OR51B5: variants seen among roughly 807,000 people sequenced by gnomAD.
The protein encoded by OR51B5 is olfactory receptor family 51 subfamily B member 5.
For synonymous variants in OR51B5, 186 were observed against 144.8 expected (o/e 1.28, Z -2.04); for missense variants, 456 against 374.6 (o/e 1.22, Z -1.79).
At chr11:5,390,356 G>C in intron 1 of OR51B5, 4 of 1,603,784 alleles carry the variant, frequency 2.5e-6, no homozygotes, top group Non-Finnish European at 3.4e-6. Context: ...CAAGTTCCTA[G>C]GTCTTAAAAA....
intron 1 of OR51B5, among the ~76,000 whole-genome samples, chr11:5,487,938 G>C (rs1447918509): frequency 6.6e-6 from 1 of 152,182 alleles, no homozygotes; most frequent in Non-Finnish European, 1.5e-5. Flanking sequence ...AGGTTGCCTA[G>C]CCTCTTCATA....
chr11:5,462,705 T>C (rs1272287680), intron 1 of OR51B5, among the ~76,000 whole-genome samples: 1 of 152,240 alleles, frequency 6.6e-6, no homozygotes, highest in African/African-American at 2.4e-5. Flanking sequence ...GACACTTTTC[T>C]ACCTGGGCTG....
At position 5,422,217 on chromosome 11, in the gene OR51B5, A is replaced by C. The variant is rs774832644; in HGVS notation, n.85-75307T>G. 80 of 1,611,104 alleles carry C rather than the reference A, an allele frequency of 5.0e-5. No individual in the cohort carries two copies. The highest frequency in any genetic ancestry group is 5.4e-5 in the Non-Finnish European group (64 of 1,178,474). On this transcript the variant is annotated intron_variant and non_coding_transcript_variant, in intron 1 of 4. Coordinates refer to the OR51B5 transcript ENST00000415970. Reference sequence around the variant, plus strand: ...TCATCAGTCATGTCCCAGGTGACTAACACCACACAAGAAGGCATCTACTTC... The same window carrying C: ...TCATCAGTCATGTCCCAGGTGACTACCACCACACAAGAAGGCATCTACTTC...
chr11:5,346,596 G>T (rs1237361556), upstream of OR51B5, among the ~76,000 whole-genome samples: 1 of 151,428 alleles, frequency 6.6e-6, no homozygotes, highest in African/African-American at 2.5e-5. Context: ...CATATGAGAG[G>T]GTCAATCATA....
At chr11:5,482,696 G>A (rs1359925213) in intron 1 of OR51B5, among the ~76,000 whole-genome samples, 2 of 94,610 alleles carry the variant, frequency 2.1e-5, no homozygotes, top group Admixed American at 1.2e-4. Context: ...AGTGGGCGAA[G>A]GACATGAACA....
chr11:5,441,550 G>T, intron 1 of OR51B5: 3 of 1,499,646 alleles, frequency 2.0e-6, no homozygotes, highest in South Asian at 2.3e-5. Context: ...GACCCAAGAG[G>T]GTGTGTTGGG....
At position 5,366,405 on chromosome 11, in the gene OR51B5, G is replaced by A. The variant is rs142152962; in HGVS notation, n.85-19495C>T. On this transcript the variant is annotated intron_variant and non_coding_transcript_variant, in intron 1 of 4. Coordinates refer to the OR51B5 transcript ENST00000415970. Reference sequence around the variant, plus strand: ...GAGGATCACCTGAGGGCAAGAGTTCGAGACCAGCCTGACCAACATGGTGAA... The same window carrying A: ...GAGGATCACCTGAGGGCAAGAGTTCAAGACCAGCCTGACCAACATGGTGAA... 3.9e-3 allele frequency among the ~76,000 whole-genome samples: 600 copies of A among 152,138 alleles called. 2 individuals are homozygous for A. The highest frequency in any genetic ancestry group is 0.01 in the African/African-American group (430 of 41,506).
At chr11:5,352,798 T>A (rs1849120955) in intron 1 of OR51B5, among the ~76,000 whole-genome samples, 1 of 147,418 alleles carries the variant, frequency 6.8e-6, no homozygotes, top group African/African-American at 2.5e-5. Flanking sequence ...ACCCATACAC[T>A]ATTATATATA....
chr11:5,488,743 G>A (rs772374334), intron 1 of OR51B5: 1 of 1,613,840 alleles, frequency 6.2e-7, no homozygotes, highest in Non-Finnish European at 8.5e-7. Flanking sequence ...CCATCTTCCA[G>A]ACACCTTCTT....
chr11:5,453,490 T>A lies in OR51B5; in HGVS notation n.84+52079A>T, dbSNP rs147506036. On this transcript the variant is annotated intron_variant and non_coding_transcript_variant, in intron 1 of 4. Coordinates refer to the OR51B5 transcript ENST00000415970. ...AAAGTACCCTAAGTTTGTTTTGCTATGGGGTTGTTCAATGTCACTCACCCT... is the reference window on the plus strand; with the variant it reads ...AAAGTACCCTAAGTTTGTTTTGCTAAGGGGTTGTTCAATGTCACTCACCCT... 6.5e-6 allele frequency: 10 copies of A among 1,533,414 alleles called. No homozygotes were observed. In the African/African-American group the frequency reaches 1.1e-4, roughly 17 times the overall value. 95.0% of individuals were successfully genotyped at this position (1,533,414 alleles called of 1,614,324 possible).
intron 1 of OR51B5, among the ~76,000 whole-genome samples, chr11:5,350,267 T>C (rs540909779): frequency 1.3e-5 from 2 of 152,366 alleles, no homozygotes; most frequent in African/African-American, 4.8e-5. Flanking sequence ...AGATCATTAT[T>C]GTTAGAAAGA....
intron 1 of OR51B5, among the ~76,000 whole-genome samples, chr11:5,361,906 G>GTACT (rs1199427462): frequency 6.6e-6 from 1 of 152,110 alleles, no homozygotes; most frequent in Non-Finnish European, 1.5e-5. Flanking sequence ...GTTCTACCAA[G>GTACT]TACTTACTCC....
At chr11:5,505,171 C>T (rs1186882640) in intron 1 of OR51B5, among the ~76,000 whole-genome samples, 2 of 152,202 alleles carry the variant, frequency 1.3e-5, no homozygotes, top group Non-Finnish European at 2.9e-5. Context: ...TTCCAATTAA[C>T]AGGACTTCAC....
At chr11:5,503,702 A>C (rs1163807689) in intron 1 of OR51B5, among the ~76,000 whole-genome samples, 1 of 152,230 alleles carries the variant, frequency 6.6e-6, no homozygotes, top group Non-Finnish European at 1.5e-5. Context: ...AAAAGCAAAG[A>C]AACAAAAACA....
intron 1 of OR51B5, chr11:5,430,988 G>T (rs1358587178): frequency 2.2e-6 from 1 of 457,016 alleles, no homozygotes; most frequent in Non-Finnish European, 4.4e-6. Context: ...AAATTTGCGA[G>T]AACAATGGCT....
At chr11:5,458,355 C>G (rs562076505) in intron 1 of OR51B5, among the ~76,000 whole-genome samples, 21 of 152,120 alleles carry the variant, frequency 1.4e-4, no homozygotes, top group Non-Finnish European at 2.8e-4. Context: ...GCTTTGCTTA[C>G]AGTAGCCTTA....
intron 1 of OR51B5, among the ~76,000 whole-genome samples, chr11:5,380,268 C>T (rs1222844848): frequency 6.6e-6 from 1 of 152,174 alleles, no homozygotes; most frequent in African/African-American, 2.4e-5. Flanking sequence ...TGTGCACACA[C>T]AGATGCAGGT....
chr11:5,454,276 G>T, intron 1 of OR51B5: 2 of 1,614,034 alleles, frequency 1.2e-6, no homozygotes, highest in Non-Finnish European at 1.7e-6. Flanking sequence ...ACAGTGCACC[G>T]CTTTGGGAAG....
downstream of OR51B5, among the ~76,000 whole-genome samples, chr11:5,341,677 GCAATCATTC>G (rs1848895570): frequency 1.3e-5 from 2 of 152,120 alleles, no homozygotes; most frequent in African/African-American, 4.8e-5. Flanking sequence ...TGTACAGAAA[GCAATCATTC>G]TTCAAAAAAA....
Sources: allele counts gnomAD v4.1 joint callset (sites outside exome capture counted in the v4.1 genomes callset), GRCh38; gene constraint gnomAD v4.1.1; transcripts MANE v1.5; gene names NCBI Gene and HGNC (gene_info 2026-07-23, HGNC 2026-07-21).